KHDRBS2: variants seen among roughly 807,000 people sequenced by gnomAD.
KHDRBS2 encodes the protein KH RNA binding domain containing, signal transduction associated 2, also known as KH domain-containing, RNA-binding, signal transduction-associated protein 2.
In KHDRBS2, 26 loss-of-function variants were observed where a neutral mutation model predicts 44.3. That is an observed-to-expected ratio of 0.59 (90% CI 0.43 to 0.81). KHDRBS2 has a LOEUF of 0.81. KHDRBS2 is among the 40% of genes least tolerant of loss of function. The probability of loss-of-function intolerance (pLI) is 0.00; values close to 1 mark genes in which losing one functional copy is unlikely to be tolerated. For synonymous variants in KHDRBS2, 194 were observed against 151.1 expected (o/e 1.28, Z -2.08); for missense variants, 476 against 433.1 (o/e 1.10, Z -0.88).
chr6:62,182,166 T>A (rs144236145), intron 1 of KHDRBS2, among the ~76,000 whole-genome samples: 2 of 152,084 alleles, frequency 1.3e-5, no homozygotes, highest in East Asian at 1.9e-4. Flanking sequence ...GAAATAAATG[T>A]TTATTGTTTG....
At chr6:61,629,094 C>T in the KHDRBS2 span, among the ~76,000 whole-genome samples, 1 of 152,120 alleles carries the variant, frequency 6.6e-6, no homozygotes, top group Non-Finnish European at 1.5e-5. Context: ...CCATATTGTC[C>T]TGCTGATAGC....
intron 6 of KHDRBS2, among the ~76,000 whole-genome samples, chr6:61,809,078 A>G (rs1468382688): frequency 2.0e-5 from 3 of 151,348 alleles, no homozygotes; most frequent in African/African-American, 7.4e-5. Context: ...AGTGAACTCC[A>G]CTGGGAAAAA....
At chr6:61,723,096 G>A (rs1772955082) in intron 7 of KHDRBS2, among the ~76,000 whole-genome samples, 1 of 151,982 alleles carries the variant, frequency 6.6e-6, no homozygotes, top group Admixed American at 6.6e-5. Context: ...GAGGCAACTA[G>A]GGTCTGAAGC....
chr6:62,169,380 A>T (rs1037954345), intron 2 of KHDRBS2, among the ~76,000 whole-genome samples: 1 of 151,844 alleles, frequency 6.6e-6, no homozygotes, highest in Non-Finnish European at 1.5e-5. Flanking sequence ...GCCTTTGTAG[A>T]GGCTTAACTA....
intron 2 of KHDRBS2, among the ~76,000 whole-genome samples, chr6:62,075,736 T>A (rs1796203391): frequency 6.6e-6 from 1 of 151,868 alleles, no homozygotes; most frequent in Non-Finnish European, 1.5e-5. Flanking sequence ...ACAATTTCAC[T>A]TTGACATTGT....
chr6:62,185,429 T>C (rs138035158), intron 1 of KHDRBS2, among the ~76,000 whole-genome samples: 6 of 152,068 alleles, frequency 3.9e-5, no homozygotes, highest in African/African-American at 1.4e-4. Flanking sequence ...AGGTCATAGT[T>C]TAGTGAATAC....
chr6:62,194,732 C>T (rs1053055047), intron 1 of KHDRBS2, among the ~76,000 whole-genome samples: 1 of 151,664 alleles, frequency 6.6e-6, no homozygotes, highest in Non-Finnish European at 1.5e-5. Context: ...CTCTCAAACT[C>T]CTGATCTCAA....
chr6:62,248,720 G>T (rs796185039), intron 1 of KHDRBS2, among the ~76,000 whole-genome samples: 31 of 152,118 alleles, frequency 2.0e-4, no homozygotes, highest in African/African-American at 7.5e-4. Context: ...AAGACTCATG[G>T]GGAGCTCAAT....
intron 2 of KHDRBS2, among the ~76,000 whole-genome samples, chr6:62,076,984 T>G (rs1796470238): frequency 2.0e-5 from 3 of 151,924 alleles, no homozygotes; most frequent in African/African-American, 4.8e-5. Context: ...AGTTGAAGAC[T>G]GCAATGAACT....
At chr6:62,033,427 CA>C (rs960867233) in intron 3 of KHDRBS2, among the ~76,000 whole-genome samples, 10 of 151,612 alleles carry the variant, frequency 6.6e-5, no homozygotes, top group African/African-American at 2.4e-4. Context: ...ATTAAACTCC[CA>C]AAGATCAAGA....
chr6:61,888,988 G>A (rs1353786152), intron 6 of KHDRBS2, among the ~76,000 whole-genome samples: 1 of 151,982 alleles, frequency 6.6e-6, no homozygotes, highest in Non-Finnish European at 1.5e-5. Context: ...GAAGTTCAAA[G>A]TGCTTCTGCT....
chr6:62,240,672 G>GTATATA (rs4036655), intron 1 of KHDRBS2, among the ~76,000 whole-genome samples: 999 of 64,034 alleles, frequency 0.016, 21 homozygotes, highest in Non-Finnish European at 0.022. Context: ...ATGTGTGTGT[G>GTATATA]TATATATATA....
the KHDRBS2 span, among the ~76,000 whole-genome samples, chr6:61,556,630 C>T: frequency 9.2e-5 from 14 of 152,030 alleles, no homozygotes; most frequent in East Asian, 2.7e-3. Context: ...CAGCTTACAG[C>T]ATGGTGTTTT....
At chr6:62,201,044 A>G (rs1176496055) in intron 1 of KHDRBS2, among the ~76,000 whole-genome samples, 12 of 152,148 alleles carry the variant, frequency 7.9e-5, no homozygotes. Flanking sequence ...ATGAGAACAC[A>G]TGGACACAGG....
intron 6 of KHDRBS2, among the ~76,000 whole-genome samples, chr6:61,880,762 T>A (rs1800093741): frequency 1.3e-5 from 2 of 151,984 alleles, no homozygotes; most frequent in African/African-American, 4.8e-5. Flanking sequence ...ACTATACTCC[T>A]GTCTTCACAA....
chr6:61,964,120 C>T (rs563793192), intron 4 of KHDRBS2, among the ~76,000 whole-genome samples: 2 of 152,054 alleles, frequency 1.3e-5, no homozygotes, highest in South Asian at 4.2e-4. Context: ...GGCTCGTTAC[C>T]ACAAGTTCAC....
chr6:61,909,909 C>T (rs1178870228), intron 4 of KHDRBS2, among the ~76,000 whole-genome samples: 1 of 152,142 alleles, frequency 6.6e-6, no homozygotes, highest in East Asian at 1.9e-4. Flanking sequence ...TGGTGCTGCA[C>T]ATTTAAAACT....
At chr6:61,850,721 A>T (rs1562299525) in intron 6 of KHDRBS2, among the ~76,000 whole-genome samples, 1 of 152,180 alleles carries the variant, frequency 6.6e-6, no homozygotes, top group Non-Finnish European at 1.5e-5. Context: ...CCTAGGATCA[A>T]GCTCATGTCA....
chr6:61,991,616 C>T (rs1776153911), intron 3 of KHDRBS2, among the ~76,000 whole-genome samples: 1 of 152,166 alleles, frequency 6.6e-6, no homozygotes, highest in Admixed American at 6.5e-5. Context: ...TCGTCACTGC[C>T]AACCAATAAT....
Sources: allele counts gnomAD v4.1 joint callset (sites outside exome capture counted in the v4.1 genomes callset), GRCh38; gene constraint gnomAD v4.1.1; transcripts MANE v1.5; gene names NCBI Gene and HGNC (gene_info 2026-07-23, HGNC 2026-07-21).